CSTF3: variants seen among roughly 807,000 people sequenced by gnomAD.
The protein encoded by CSTF3 is cleavage stimulation factor subunit 3.
A neutral mutation model predicts 105.8 loss-of-function variants in CSTF3; 29 were observed. The observed-to-expected ratio is 0.27, with a 90% CI of 0.20 to 0.37. The LOEUF (loss-of-function observed/expected upper bound fraction) is 0.37. Among genes scored for constraint, CSTF3 ranks in the 10% least tolerant of loss-of-function variants. The probability of loss-of-function intolerance (pLI) is 1.00; values close to 1 mark genes in which losing one functional copy is unlikely to be tolerated. For missense variants in CSTF3, 357 were observed against 879.3 expected, an observed-to-expected ratio of 0.41 and a Z score of 7.51; for synonymous variants, 252 against 281.9, an observed-to-expected ratio of 0.89 and a Z score of 1.06.
chr11:33,132,391 A>G (rs996323367), intron 3 of CSTF3, among the ~76,000 whole-genome samples: 6 of 150,588 alleles, frequency 4.0e-5, no homozygotes, highest in Non-Finnish European at 5.9e-5. Context: ...CTGTTGAAGA[A>G]AAAAAAAAAG....
intron 3 of CSTF3, among the ~76,000 whole-genome samples, chr11:33,122,784 C>T (rs1201215768): frequency 2.0e-5 from 3 of 151,584 alleles, no homozygotes; most frequent in Non-Finnish European, 4.4e-5. Context: ...GGCATGGTGG[C>T]ATGCACCTGT....
Position 33,099,868 on chromosome 11 carries a change from C to T in CSTF3, c.827-151G>A. The T allele has an allele frequency of 2.0e-6, 1 of 497,178 alleles. No individual in the cohort carries two copies. The highest frequency in any genetic ancestry group is 3.6e-6 in the Non-Finnish European group (1 of 281,490). 30.8% of individuals were successfully genotyped at this position (497,178 alleles called of 1,614,324 possible). A position where few individuals can be genotyped will look rare whatever the true frequency, so the allele number is the denominator to read the frequency against. ...AGTGATTTCTGGCACCATCATCCAT[C>T]CAAGTTCCCTCCATCTATCCATCAC... On this transcript the variant is annotated intron_variant, in intron 10 of 20. Transcript: ENST00000323959. This position sits in a 1 kb window ranked among gnomAD's most constrained non-coding sequence, Gnocchi z 4.1.
rs984507682 is a variant in CSTF3, at chr11:33,093,810, C to T, written c.1376-1470G>A. 3.3e-5 allele frequency among the ~76,000 whole-genome samples: 5 copies of T among 152,104 alleles called. No individual in the cohort carries two copies. In the East Asian group the frequency reaches 7.7e-4, roughly 23 times the overall value. The stretch of plus-strand genomic sequence containing the variant: ...GCAACGTCTGTCTCCCAGGTTCAAG[C>T]GATTCTTCCGCCTCAGCCTCCTGAG... On this transcript the variant is annotated intron_variant, in intron 15 of 20. Transcript: ENST00000323959.
Position 33,085,999 on chromosome 11 carries a change from A to G in CSTF3, c.1796-10T>C, listed in dbSNP as rs1279584696. ...GGGTGTAAACCTGGAGCTGTGAGAA[A>G]AAGAAAAGTATGAATCAAGTGGAAT... is the stretch of plus-strand genomic sequence containing the variant. On this transcript the variant is annotated splice_polypyrimidine_tract_variant and intron_variant, in intron 18 of 20. Coordinates refer to ENST00000323959, the MANE Select transcript of CSTF3 (RefSeq NM_001326.3). The G allele has an allele frequency of 6.8e-7, 1 of 1,461,186 alleles. No individual in the cohort carries two copies. Among genetic ancestry groups the G allele is most frequent in the Non-Finnish European group, 9.1e-7 (1 of 1,103,052 alleles). 90.5% of individuals were successfully genotyped at this position (1,461,186 alleles called of 1,614,324 possible).
intron 3 of CSTF3, among the ~76,000 whole-genome samples, chr11:33,122,364 A>C (rs1271623656): frequency 6.6e-6 from 1 of 152,178 alleles, no homozygotes; most frequent in African/African-American, 2.4e-5. Context: ...GACCTTATTG[A>C]AAATCTGTAA....
At chr11:33,146,602 A>G (rs1855786124) in intron 1 of CSTF3, among the ~76,000 whole-genome samples, 2 of 137,230 alleles carry the variant, frequency 1.5e-5, no homozygotes, top group African/African-American at 5.5e-5. Context: ...AATTAAATAA[A>G]TTATGGAATT....
intron 1 of CSTF3, among the ~76,000 whole-genome samples, chr11:33,149,761 G>A (rs1855833656): frequency 6.6e-6 from 1 of 152,192 alleles, no homozygotes; most frequent in Non-Finnish European, 1.5e-5. Context: ...GCTTACGCCT[G>A]TAATCACAGC....
At chr11:33,118,394 T>C (rs1000765548) in intron 3 of CSTF3, among the ~76,000 whole-genome samples, 1 of 151,940 alleles carries the variant, frequency 6.6e-6, no homozygotes, top group Non-Finnish European at 1.5e-5. Flanking sequence ...CAGCCTACTT[T>C]ACTTAATAAA....
At chr11:33,139,701 T>C (rs1352444726) in intron 3 of CSTF3, among the ~76,000 whole-genome samples, 3 of 151,982 alleles carry the variant, frequency 2.0e-5, no homozygotes, top group African/African-American at 7.2e-5. Flanking sequence ...TATATATTAT[T>C]TACCATTTGT....
chr11:33,107,652 G>A (rs1855340391), intron 5 of CSTF3, among the ~76,000 whole-genome samples: 1 of 152,162 alleles, frequency 6.6e-6, no homozygotes, highest in African/African-American at 2.4e-5. Flanking sequence ...TGTCAACAAA[G>A]TGGTTTGGTG....
chr11:33,091,107 A>G (rs1019454668), intron 16 of CSTF3, among the ~76,000 whole-genome samples: 1 of 152,188 alleles, frequency 6.6e-6, no homozygotes, highest in African/African-American at 2.4e-5. Context: ...TGGAAAAGGA[A>G]CCTAGACAGA....
intron 3 of CSTF3, among the ~76,000 whole-genome samples, chr11:33,126,086 G>T (rs975208425): frequency 6.6e-6 from 1 of 152,074 alleles, no homozygotes; most frequent in Non-Finnish European, 1.5e-5. Context: ...AAACTACCTT[G>T]AAAAGTAACT....
At chr11:33,149,368 C>T (rs1855828034) in intron 1 of CSTF3, among the ~76,000 whole-genome samples, 1 of 152,208 alleles carries the variant, frequency 6.6e-6, no homozygotes, top group Non-Finnish European at 1.5e-5. Context: ...AGAGCATATC[C>T]TGCTGGTTAT....
At chr11:33,126,106 A>G (rs1241319237) in intron 3 of CSTF3, among the ~76,000 whole-genome samples, 1 of 152,184 alleles carries the variant, frequency 6.6e-6, no homozygotes, top group East Asian at 1.9e-4. Context: ...TAAAAACTCT[A>G]AAATCCAATG....
intron 8 of CSTF3, among the ~76,000 whole-genome samples, chr11:33,104,143 C>G (rs1340793195): frequency 6.6e-6 from 1 of 152,158 alleles, no homozygotes; most frequent in Admixed American, 6.5e-5. Flanking sequence ...CCTTTTCTAA[C>G]TAGTTCTGTT....
chr11:33,135,213 T>C (rs1216210235), intron 3 of CSTF3, among the ~76,000 whole-genome samples: 2 of 152,130 alleles, frequency 1.3e-5, no homozygotes, highest in African/African-American at 2.4e-5. Context: ...TAAAACAGCG[T>C]AACCCTAACC....
chr11:33,107,803 T>G (rs1211586162), intron 5 of CSTF3, 100 bp downstream of exon 5: 1 of 656,788 alleles, frequency 1.5e-6, no homozygotes, highest in Non-Finnish European at 2.6e-6. Flanking sequence ...CAAATCCTGA[T>G]AATTCTTCCC....
chr11:33,143,685 G>C (rs1438803407), intron 1 of CSTF3, among the ~76,000 whole-genome samples: 1 of 152,156 alleles, frequency 6.6e-6, no homozygotes, highest in Non-Finnish European at 1.5e-5. Context: ...AGGAGGCAGA[G>C]GTTACTGTGA....
At chr11:33,089,998 C>CTA (rs1158328725) in intron 17 of CSTF3, among the ~76,000 whole-genome samples, 2 of 152,150 alleles carry the variant, frequency 1.3e-5, no homozygotes, top group Admixed American at 6.5e-5. Flanking sequence ...TAGAAGAGTT[C>CTA]TATTCATAGA....
Sources: gnomAD v4.1 joint callset for allele counts (sites outside exome capture counted in the v4.1 genomes callset) on GRCh38, gnomAD v4.1.1 for gene constraint, Gnocchi (gnomAD v3.1) non-coding constraint, MANE v1.5 for transcripts, NCBI Gene and HGNC (gene_info 2026-07-23, HGNC 2026-07-21) for gene names.